Variants in ABI1 observed in about 807,000 individuals in gnomAD.
The protein encoded by ABI1 is abl interactor 1, also known as Abelson interactor 1.
In ABI1, 14 loss-of-function variants were observed where a neutral mutation model predicts 54.6. The ratio of observed to expected loss-of-function variants is 0.26; its 90% confidence interval spans 0.17 to 0.40. The LOEUF is 0.40. Among genes scored for constraint, ABI1 ranks in the 10% least tolerant of loss-of-function variants. ABI1 has a pLI of 1.00. For synonymous variants in ABI1, 194 were observed against 209.3 expected, an observed-to-expected ratio of 0.93 and a Z score of 0.63; for missense variants, 443 against 598.3, an observed-to-expected ratio of 0.74 and a Z score of 2.71.
At chr10:26,801,470 C>A (rs1451268524) in intron 2 of ABI1, among the ~76,000 whole-genome samples, 1 of 151,894 alleles carries the variant, frequency 6.6e-6, no homozygotes, top group African/African-American at 2.4e-5. Flanking sequence ...TGACTTGAGC[C>A]CGGGACGCAG....
At chr10:26,834,548 A>AACACACACACACAC (rs571268846) in intron 1 of ABI1, among the ~76,000 whole-genome samples, 6 of 138,546 alleles carry the variant, frequency 4.3e-5, no homozygotes, top group African/African-American at 1.4e-4. Flanking sequence ...AGACATACAA[A>AACACACACACACAC]ACACACACAC....
In ABI1 at chr10:26,747,929, TC is replaced by T. The variant is rs1402510680; in HGVS notation, c.*640del. On this transcript the variant is annotated 3_prime_UTR_variant, in exon 11 of 11. Coordinates refer to ENST00000376140, the MANE Select transcript of ABI1 (RefSeq NM_001012750.3). ...AAAAAGTTTATAATGCAAATTTCAC[TC>T]ATTAAAAAACTTAGGTACAAATTAC... 3.0e-5 allele frequency: 6 copies of T among 196,974 alleles called. No individual in the cohort carries two copies. The highest frequency in any genetic ancestry group is 1.2e-4 in the African/African-American group (5 of 43,340). 12.2% of individuals were successfully genotyped at this position (196,974 alleles called of 1,614,324 possible).
At chr10:26,772,090 T>A (rs562849522) in intron 3 of ABI1, among the ~76,000 whole-genome samples, 70 of 152,142 alleles carry the variant, frequency 4.6e-4, no homozygotes, top group African/African-American at 1.6e-3. Flanking sequence ...AAGGAGAGAT[T>A]TGGTGTCTTT....
intron 3 of ABI1, among the ~76,000 whole-genome samples, chr10:26,772,138 T>C (rs528221579): frequency 5.9e-5 from 9 of 152,112 alleles, no homozygotes; most frequent in African/African-American, 9.7e-5. Context: ...TGCGAGAAAT[T>C]TGGTACACTT....
intron 1 of ABI1, among the ~76,000 whole-genome samples, chr10:26,847,990 G>T (rs1219737864): frequency 1.3e-5 from 2 of 151,938 alleles, no homozygotes; most frequent in Non-Finnish European, 2.9e-5. Flanking sequence ...TTGAGCTCAG[G>T]AGTTCAAGAC....
At chr10:26,775,749 CACT>C (rs1446216186) in intron 3 of ABI1, among the ~76,000 whole-genome samples, 2 of 152,044 alleles carry the variant, frequency 1.3e-5, no homozygotes, top group Non-Finnish European at 2.9e-5. Context: ...GGAGGATATT[CACT>C]ACTAAGACAA....
intron 8 of ABI1, among the ~76,000 whole-genome samples, chr10:26,756,215 T>C (rs1838285038): frequency 6.6e-6 from 1 of 152,152 alleles, no homozygotes. Context: ...AAAACAAATA[T>C]ATAATAGCTA....
chr10:26,781,638 T>A (rs1388884518), intron 2 of ABI1, among the ~76,000 whole-genome samples: 2 of 152,228 alleles, frequency 1.3e-5, no homozygotes, highest in African/African-American at 4.8e-5. Context: ...AACCTTGTTA[T>A]ATTTTTACTG....
At chr10:26,805,915 G>A (rs2046846955) in intron 2 of ABI1, among the ~76,000 whole-genome samples, 2 of 152,158 alleles carry the variant, frequency 1.3e-5, no homozygotes, top group African/African-American at 4.8e-5. Context: ...AGGAAAATAA[G>A]CTATAATTTA....
At chr10:26,806,704 C>G (rs2046897696) in intron 2 of ABI1, among the ~76,000 whole-genome samples, 1 of 152,020 alleles carries the variant, frequency 6.6e-6, no homozygotes, top group South Asian at 2.1e-4. Context: ...ATCTCCTGGT[C>G]CTTGAATCAT....
intron 1 of ABI1, among the ~76,000 whole-genome samples, chr10:26,852,184 A>G (rs1287927666): frequency 2.0e-5 from 3 of 152,236 alleles, no homozygotes; most frequent in Admixed American, 2.0e-4. Flanking sequence ...TTGCCTTATT[A>G]AAATAAGAAT....
At chr10:26,819,595 A>T (rs1425382055) in intron 2 of ABI1, among the ~76,000 whole-genome samples, 2 of 152,254 alleles carry the variant, frequency 1.3e-5, no homozygotes, top group Non-Finnish European at 2.9e-5. Flanking sequence ...ATTTATAGAC[A>T]TTCCACCTGA....
At chr10:26,811,132 A>G (rs2047201947) in intron 2 of ABI1, among the ~76,000 whole-genome samples, 1 of 152,192 alleles carries the variant, frequency 6.6e-6, no homozygotes. Context: ...AGCTCATAGT[A>G]GTACCAGGCT....
intron 2 of ABI1, among the ~76,000 whole-genome samples, chr10:26,817,409 T>A (rs557199694): frequency 6.6e-5 from 10 of 152,260 alleles, no homozygotes; most frequent in Non-Finnish European, 1.3e-4. Context: ...ACAAAAAAAA[T>A]TATTTTAGCA....
Position 26,748,079 on chromosome 10 carries a change from T to G in ABI1, c.*491A>C. 1 of 207,744 alleles carries G rather than the reference T, an allele frequency of 4.8e-6. No individual in the cohort carries two copies. Among genetic ancestry groups the G allele is most frequent in the Non-Finnish European group, 9.8e-6 (1 of 102,074 alleles). The allele number at this position is 207,744 out of a possible 1,614,324, so 12.9% of individuals were successfully genotyped here. On this transcript the variant is annotated 3_prime_UTR_variant, in exon 11 of 11. Coordinates refer to ENST00000376140, the MANE Select transcript of ABI1 (RefSeq NM_001012750.3). ...TACACAAATGGGAAGCATCTTGAAT[T>G]TTTAAGTATATTTCAATACATAAAT... is the stretch of plus-strand genomic sequence containing the variant.
intron 7 of ABI1, among the ~76,000 whole-genome samples, chr10:26,763,505 T>G (rs971266573): frequency 1.3e-5 from 2 of 152,112 alleles, no homozygotes; most frequent in Admixed American, 6.5e-5. Context: ...GCCTTTCAAT[T>G]TTTCTCCTCC....
intron 2 of ABI1, among the ~76,000 whole-genome samples, chr10:26,816,757 C>T (rs2047588634): frequency 6.6e-6 from 1 of 151,830 alleles, no homozygotes; most frequent in South Asian, 2.1e-4. Context: ...AATGTTTTGA[C>T]AAAAAATTTT....
Position 26,747,959 on chromosome 10 carries a change from A to G in ABI1, c.*611T>C, listed in dbSNP as rs185553353. On this transcript the variant is annotated 3_prime_UTR_variant, in exon 11 of 11. Coordinates refer to ENST00000376140, the MANE Select transcript of ABI1 (RefSeq NM_001012750.3). Reference sequence around the variant, plus strand: ...AAAAAACTTAGGTACAAATTACAACATTACAGATAATTCTCTTTTTGCTTG... The same window carrying G: ...AAAAAACTTAGGTACAAATTACAACGTTACAGATAATTCTCTTTTTGCTTG... 5.5e-6 allele frequency: 1 copy of G among 181,930 alleles called. No homozygotes were observed. Among genetic ancestry groups the G allele is most frequent in the East Asian group, 8.3e-5 (1 of 12,096 alleles). 11.3% of individuals were successfully genotyped at this position (181,930 alleles called of 1,614,324 possible).
rs542501809 is a variant in ABI1 at position 26,796,162 on chromosome 10, G to C, written c.286-18921C>G. On this transcript the variant is annotated intron_variant, in intron 2 of 10. Coordinates refer to ENST00000376140, the MANE Select transcript of ABI1 (RefSeq NM_001012750.3). ...AGTGGTTACCATGGTTATTTTGGGG[G>C]GAAAGGAGAGGGAGCTGTGGGTCAA... Among the ~76,000 whole-genome samples, 3 of 152,208 alleles carry C rather than the reference G, an allele frequency of 2.0e-5. No individual in the cohort carries two copies. In the East Asian group the frequency reaches 5.8e-4, roughly 29 times the overall value.
Sources: allele counts gnomAD v4.1 joint callset (sites outside exome capture counted in the v4.1 genomes callset), GRCh38; gene constraint gnomAD v4.1.1; transcripts MANE v1.5; gene names NCBI Gene and HGNC (gene_info 2026-07-23, HGNC 2026-07-21).